Variants in GNB1L observed in about 807,000 individuals in gnomAD.
GNB1L encodes G protein subunit beta 1 like.
GNB1L carries 20 observed loss-of-function variants against 29.1 expected under a neutral mutation model. The ratio of observed to expected loss-of-function variants is 0.69; its 90% CI spans 0.48 to 1.00. The LOEUF (loss-of-function observed/expected upper bound fraction) is 1.00. GNB1L is among the 50% of genes least tolerant of loss of function. The pLI, the probability that GNB1L is intolerant of heterozygous loss-of-function variation, is 0.00. For synonymous variants in GNB1L, 193 were observed against 206.5 expected (o/e 0.93, Z 0.56); for missense variants, 421 against 464.9 (o/e 0.91, Z 0.87).
intron 2 of GNB1L, among the ~76,000 whole-genome samples, chr22:19,853,011 C>T (rs932658830): frequency 6.6e-6 from 1 of 152,214 alleles, no homozygotes; most frequent in South Asian, 2.1e-4. Flanking sequence ...ACCGCGTCGT[C>T]ATTAGGCTCT....
chr22:19,847,962 T>A, intron 2 of GNB1L: 2 of 985,354 alleles, frequency 2.0e-6, no homozygotes, highest in Non-Finnish European at 2.4e-6. Flanking sequence ...TACTGAATAA[T>A]CCATTTTACT....
chr22:19,828,104 C>A lies in GNB1L; in HGVS notation c.-20-6729G>T, dbSNP rs117485582. On this transcript the variant is annotated intron_variant, in intron 2 of 7. Transcript: ENST00000329517. The stretch of plus-strand genomic sequence containing the variant: ...AGACAGAAATAAAATGTTCACAACA[C>A]GTATCTGTTCAAGGATTCATTCTCA... 2.7e-4 allele frequency among the ~76,000 whole-genome samples: 41 copies of A among 152,260 alleles called. 1 individual carries two copies. Among genetic ancestry groups the A allele is most frequent in the Non-Finnish European group, 4.4e-4 (30 of 68,026 alleles).
At chr22:19,838,472 T>C (rs2038704391) in intron 2 of GNB1L, among the ~76,000 whole-genome samples, 1 of 125,476 alleles carries the variant, frequency 8.0e-6, no homozygotes, top group Non-Finnish European at 1.6e-5. Context: ...TTTTTATTTT[T>C]ATTTTTATTT....
At chr22:19,828,232 G>C (rs1169990357) in intron 2 of GNB1L, among the ~76,000 whole-genome samples, 3 of 152,068 alleles carry the variant, frequency 2.0e-5, no homozygotes, top group African/African-American at 7.2e-5. Context: ...AAGGTATATG[G>C]GGCAAACAGA....
chr22:19,852,259 C>T, intron 2 of GNB1L: 1 of 1,601,066 alleles, frequency 6.2e-7, no homozygotes, highest in Non-Finnish European at 8.5e-7. Flanking sequence ...GGCCACGAGG[C>T]ATGCTGGGAG....
intron 6 of GNB1L, among the ~76,000 whole-genome samples, chr22:19,804,359 G>C (rs1201168146): frequency 1.3e-5 from 2 of 152,234 alleles, no homozygotes; most frequent in African/African-American, 4.8e-5. Context: ...CAGGGGCTGT[G>C]GGAAGCCCTC....
intron 5 of GNB1L, among the ~76,000 whole-genome samples, chr22:19,808,200 C>T (rs988073899): frequency 3.3e-5 from 5 of 152,160 alleles, no homozygotes; most frequent in Admixed American, 1.3e-4. Flanking sequence ...GCTCACAGAT[C>T]TAGGCCCCAC....
At position 19,816,305 on chromosome 22, in the gene GNB1L, G is replaced by A. The variant is rs1937523675; in HGVS notation, c.255-3858C>T. On this transcript the variant is annotated intron_variant, in intron 4 of 7. Coordinates refer to ENST00000329517, the MANE Select transcript of GNB1L (RefSeq NM_053004.3). The surrounding 1 kb of genome is among the most constrained non-coding windows in gnomAD (Gnocchi z 4.4). Reference sequence around the variant, plus strand: ...GTGTCAACCCTGATCGCCTGGTCAGGACCCATAGTTTTCAAAGGCTCATCA... The same window carrying A: ...GTGTCAACCCTGATCGCCTGGTCAGAACCCATAGTTTTCAAAGGCTCATCA... 6.6e-6 allele frequency among the ~76,000 whole-genome samples: 1 copy of A among 152,176 alleles called. No individual in the cohort carries two copies. The highest frequency in any genetic ancestry group is 1.5e-5 in the Non-Finnish European group (1 of 68,026).
intron 2 of GNB1L, among the ~76,000 whole-genome samples, chr22:19,839,275 C>G (rs1937817044): frequency 2.0e-5 from 3 of 152,038 alleles, no homozygotes; most frequent in African/African-American, 7.3e-5. Flanking sequence ...AAGATAATAA[C>G]AATAATACAG....
intron 2 of GNB1L, among the ~76,000 whole-genome samples, chr22:19,824,786 C>A (rs781051051): frequency 6.6e-6 from 1 of 152,238 alleles, no homozygotes; most frequent in Non-Finnish European, 1.5e-5. Flanking sequence ...CTGGCGCAAA[C>A]CCACCCACAC....
intron 5 of GNB1L, among the ~76,000 whole-genome samples, chr22:19,809,880 C>G (rs957875697): frequency 6.6e-6 from 1 of 152,174 alleles, no homozygotes; most frequent in African/African-American, 2.4e-5. Flanking sequence ...GCTCAAGTAA[C>G]CCTCCCACCT....
At chr22:19,852,311 G>A in intron 2 of GNB1L, 2 of 1,559,744 alleles carry the variant, frequency 1.3e-6, no homozygotes, top group Non-Finnish European at 1.7e-6. Flanking sequence ...GTGGGTGGTG[G>A]GGGTGTGGAC....
At chr22:19,814,978 G>A (rs1601332538) in intron 4 of GNB1L, among the ~76,000 whole-genome samples, 2 of 151,778 alleles carry the variant, frequency 1.3e-5, no homozygotes, top group East Asian at 3.9e-4. Context: ...TGAGGCTGCT[G>A]TGAGCTGTGA....
chr22:19,798,066 C>G (rs1937327602), intron 7 of GNB1L, among the ~76,000 whole-genome samples: 1 of 152,192 alleles, frequency 6.6e-6, no homozygotes, highest in Non-Finnish European at 1.5e-5. Flanking sequence ...GTCCAGAGCA[C>G]CCGGCCTTGG....
intron 4 of GNB1L, among the ~76,000 whole-genome samples, chr22:19,818,054 C>A (rs995546789): frequency 2.0e-5 from 3 of 152,178 alleles, no homozygotes; most frequent in Admixed American, 2.0e-4. Context: ...GAGCACAGGC[C>A]GGGTGGCGGC....
chr22:19,851,211 C>A (rs1260661261), intron 2 of GNB1L: 1 of 1,595,064 alleles, frequency 6.3e-7, no homozygotes, highest in Non-Finnish European at 8.5e-7. Flanking sequence ...GTCTCCGGGG[C>A]CTCCACCACC....
chr22:19,815,330 T>C (rs1937520137), intron 4 of GNB1L, among the ~76,000 whole-genome samples: 1 of 152,098 alleles, frequency 6.6e-6, no homozygotes, highest in Non-Finnish European at 1.5e-5. Flanking sequence ...CCACTGGGGT[T>C]TTGGAGAACC....
At position 19,852,188 on chromosome 22, in the gene GNB1L, T is replaced by C. The variant is rs141830940; in HGVS notation, c.-21+2255A>G. On this transcript the variant is annotated intron_variant, in intron 2 of 7. Coordinates refer to ENST00000329517, the MANE Select transcript of GNB1L (RefSeq NM_053004.3). ...CGCCTTGTCCATCTGCTGCCATGGA[T>C]GTGCGTTGGCATAATTGGCGGCTGC... 5 of 1,613,798 alleles carry C rather than the reference T, an allele frequency of 3.1e-6. No homozygotes were observed. The African/African-American group carries it at 6.7e-5, about 22-fold the overall frequency.
intron 2 of GNB1L, among the ~76,000 whole-genome samples, chr22:19,852,652 C>T (rs1470129946): frequency 6.6e-6 from 1 of 152,204 alleles, no homozygotes; most frequent in African/African-American, 2.4e-5. Context: ...TGGGCAAATG[C>T]TGCCTATGAC....
Sources: gnomAD v4.1 joint callset for allele counts (sites outside exome capture counted in the v4.1 genomes callset) on GRCh38, gnomAD v4.1.1 for gene constraint, Gnocchi (gnomAD v3.1) non-coding constraint, MANE v1.5 for transcripts, NCBI Gene and HGNC (gene_info 2026-07-23, HGNC 2026-07-21) for gene names.